The following QTMAN variants were observed in gnomAD, a reference collection of about 807,000 sequenced individuals.
QTMAN encodes queuosine-tRNA mannosyltransferase, also known as tRNA-queuosine alpha-mannosyltransferase.
At chr2:143,956,921 C>A in the QTMAN span, among the ~76,000 whole-genome samples, 2 of 152,036 alleles carry the variant, frequency 1.3e-5, no homozygotes, top group Non-Finnish European at 2.9e-5. Flanking sequence ...ATTCACATCT[C>A]CACAACAGAA....
At chr2:144,200,319 C>T in the QTMAN span, among the ~76,000 whole-genome samples, 1 of 152,276 alleles carries the variant, frequency 6.6e-6, no homozygotes, top group African/African-American at 2.4e-5. Context: ...AGTGTCTCTT[C>T]CATAAATTTA....
At chr2:144,122,039 G>A in the QTMAN span, among the ~76,000 whole-genome samples, 1 of 152,206 alleles carries the variant, frequency 6.6e-6, no homozygotes, top group Non-Finnish European at 1.5e-5. Flanking sequence ...TGTAAAAATA[G>A]AGATGACTCT....
chr2:144,135,915 T>C, the QTMAN span, among the ~76,000 whole-genome samples: 11 of 152,194 alleles, frequency 7.2e-5, no homozygotes, highest in Non-Finnish European at 1.0e-4. Flanking sequence ...TGTAAAGATA[T>C]TAAATGATAA....
the QTMAN span, among the ~76,000 whole-genome samples, chr2:144,309,060 A>G: frequency 2.6e-5 from 4 of 152,232 alleles, no homozygotes; most frequent in Non-Finnish European, 2.9e-5. Flanking sequence ...AATTAAAACC[A>G]CAAAGAGATA....
chr2:144,267,974 T>C, the QTMAN span, among the ~76,000 whole-genome samples: 3 of 152,174 alleles, frequency 2.0e-5, no homozygotes, highest in African/African-American at 7.2e-5. Flanking sequence ...TGGGAGGTGA[T>C]ACAGTTTGAA....
At chr2:144,065,555 A>G in the QTMAN span, among the ~76,000 whole-genome samples, 1 of 152,188 alleles carries the variant, frequency 6.6e-6, no homozygotes, top group African/African-American at 2.4e-5. Context: ...TTTAAGTTCT[A>G]GTAGCCACTC....
the QTMAN span, among the ~76,000 whole-genome samples, chr2:144,120,941 C>T: frequency 7.2e-5 from 11 of 152,272 alleles, no homozygotes; most frequent in South Asian, 4.1e-4. Context: ...CAAAGGGTAA[C>T]GGGATCAGCA....
the QTMAN span, among the ~76,000 whole-genome samples, chr2:144,139,316 T>C: frequency 6.6e-6 from 1 of 152,168 alleles, no homozygotes; most frequent in East Asian, 1.9e-4. Context: ...CCAATAAATA[T>C]GCTAGGTTAT....
the QTMAN span, among the ~76,000 whole-genome samples, chr2:143,983,133 T>G: frequency 6.6e-6 from 1 of 152,178 alleles, no homozygotes; most frequent in Non-Finnish European, 1.5e-5. Flanking sequence ...TTCTCATATT[T>G]AGTATCTGTA....
At chr2:144,307,363 G>A in the QTMAN span, among the ~76,000 whole-genome samples, 8 of 151,976 alleles carry the variant, frequency 5.3e-5, no homozygotes, top group Non-Finnish European at 1.2e-4. Flanking sequence ...AATATCACAC[G>A]TAACAGTGAA....
At chr2:144,053,589 T>C in the QTMAN span, among the ~76,000 whole-genome samples, 3 of 152,346 alleles carry the variant, frequency 2.0e-5, no homozygotes, top group South Asian at 2.1e-4. Context: ...ACAAATCACA[T>C]CCTTATAACA....
chr2:144,176,230 C>A, the QTMAN span, among the ~76,000 whole-genome samples: 1 of 152,012 alleles, frequency 6.6e-6, no homozygotes, highest in African/African-American at 2.4e-5. Flanking sequence ...TTATAAATTT[C>A]ATCATTTTAA....
chr2:144,030,809 A>C, the QTMAN span, among the ~76,000 whole-genome samples: 1 of 152,164 alleles, frequency 6.6e-6, no homozygotes, highest in Non-Finnish European at 1.5e-5. Context: ...TTACAGGGGC[A>C]CTACAAAGCT....
chr2:144,072,281 T>C, the QTMAN span, among the ~76,000 whole-genome samples: 2 of 152,328 alleles, frequency 1.3e-5, no homozygotes, highest in East Asian at 1.9e-4. Flanking sequence ...CTATAACTTA[T>C]ATCTCTAATT....
the QTMAN span, among the ~76,000 whole-genome samples, chr2:144,001,424 T>C: frequency 6.6e-6 from 1 of 151,942 alleles, no homozygotes; most frequent in East Asian, 1.9e-4. Context: ...TCACACTCTT[T>C]ATATCAACTT....
At chr2:143,994,133 T>C in the QTMAN span, among the ~76,000 whole-genome samples, 2 of 152,312 alleles carry the variant, frequency 1.3e-5, no homozygotes, top group Non-Finnish European at 2.9e-5. Flanking sequence ...GAATGCCCTA[T>C]ATCAGGTTTA....
the QTMAN span, among the ~76,000 whole-genome samples, chr2:143,997,980 G>A: frequency 4.0e-5 from 6 of 151,836 alleles, no homozygotes; most frequent in South Asian, 4.2e-4. Flanking sequence ...GCAGGTATGC[G>A]GTATATCAAC....
chr2:144,253,098 A>T, the QTMAN span, among the ~76,000 whole-genome samples: 1 of 152,162 alleles, frequency 6.6e-6, no homozygotes, highest in Admixed American at 6.5e-5. Context: ...CATGATAGTG[A>T]GTTGTCAAAA....
chr2:143,965,322 G>A, the QTMAN span, among the ~76,000 whole-genome samples: 3 of 152,140 alleles, frequency 2.0e-5, no homozygotes, highest in African/African-American at 7.2e-5. Flanking sequence ...AAACTCTGGA[G>A]GCAAGTCCAT....
Sources: allele counts gnomAD v4.1 joint callset (sites outside exome capture counted in the v4.1 genomes callset), GRCh38; gene constraint gnomAD v4.1.1; transcripts MANE v1.5; gene names NCBI Gene and HGNC (gene_info 2026-07-23, HGNC 2026-07-21).